The following HMGXB4 variants were observed in gnomAD, a reference collection of about 807,000 sequenced individuals.
HMGXB4 encodes the protein HMG-box containing 4, also known as HMG domain-containing protein 4.
HMGXB4 carries 27 observed loss-of-function variants against 63.9 expected under a neutral mutation model. The ratio of observed to expected loss-of-function variants is 0.42; its 90% CI spans 0.31 to 0.58. The LOEUF is 0.58. Among genes scored for constraint, HMGXB4 ranks in the 20% least tolerant of loss-of-function variants. HMGXB4 has a pLI of 0.13. For synonymous variants in HMGXB4, 264 were observed against 265.3 expected (o/e 0.99, Z 0.05); for missense variants, 624 against 700.7 (o/e 0.89, Z 1.24).
At chr22:35,263,285 G>A in intron 3 of HMGXB4, 59 bp downstream of exon 3, 3 of 1,409,316 alleles carry the variant, frequency 2.1e-6, no homozygotes, top group East Asian at 2.3e-5. Flanking sequence ...TTTTGGTGAT[G>A]CAGAGTTTTT....
the HMGXB4 span, among the ~76,000 whole-genome samples, chr22:35,241,776 G>A: frequency 3.9e-5 from 6 of 152,318 alleles, no homozygotes; most frequent in Admixed American, 3.3e-4. Flanking sequence ...AGTATTTGGG[G>A]TGTCTCCTGG....
the HMGXB4 span, among the ~76,000 whole-genome samples, chr22:35,245,779 G>C: frequency 3.3e-5 from 5 of 152,146 alleles, no homozygotes; most frequent in East Asian, 9.6e-4. Flanking sequence ...GACACCAGAG[G>C]GGGGTTCCTC....
chr22:35,293,248 ATGC>A (rs1318277253), intron 10 of HMGXB4, 134 bp downstream of exon 10: 2 of 986,172 alleles, frequency 2.0e-6, no homozygotes, highest in Non-Finnish European at 3.1e-6. Flanking sequence ...ATGGAACATG[ATGC>A]TATATTATCA....
In HMGXB4 at chr22:35,294,616, C is replaced by G. The variant is rs535097567; in HGVS notation, c.*965C>G. The G allele has an allele frequency of 1.3e-5, 2 of 152,612 alleles. No individual in the cohort carries two copies. The highest frequency in any genetic ancestry group is 4.2e-4 in the South Asian group (2 of 4,818). 9.5% of individuals were successfully genotyped at this position (152,612 alleles called of 1,614,324 possible). ...TTGCAAAAACAAAACAAAACTCACT[C>G]TCTTGTAGGTTTATTTATGTGTGTG... On this transcript the variant is annotated 3_prime_UTR_variant, in exon 11 of 11. Coordinates refer to ENST00000216106, the MANE Select transcript of HMGXB4 (RefSeq NM_001003681.3).
intron 5 of HMGXB4, among the ~76,000 whole-genome samples, chr22:35,278,130 A>G (rs1249484105): frequency 6.6e-6 from 1 of 152,186 alleles, no homozygotes; most frequent in East Asian, 1.9e-4. Flanking sequence ...GGTTTCTTGC[A>G]CTTAGTAATA....
intron 9 of HMGXB4, among the ~76,000 whole-genome samples, chr22:35,291,005 T>C (rs1924900716): frequency 6.6e-6 from 1 of 152,230 alleles, no homozygotes; most frequent in African/African-American, 2.4e-5. Context: ...TGCTTGTTCC[T>C]GTAATCCCAG....
At chr22:35,257,895 G>T (rs1327888672) in intron 1 of HMGXB4, among the ~76,000 whole-genome samples, 2 of 152,004 alleles carry the variant, frequency 1.3e-5, no homozygotes, top group Non-Finnish European at 2.9e-5. Flanking sequence ...CTCCGCCCTC[G>T]GGGGCGCCGT....
the HMGXB4 span, among the ~76,000 whole-genome samples, chr22:35,252,172 G>T: frequency 6.6e-6 from 1 of 152,186 alleles, no homozygotes; most frequent in African/African-American, 2.4e-5. Context: ...CTGAGATCGT[G>T]TCAGTGCACT....
At chr22:35,262,063 A>G (rs1355211412) in intron 1 of HMGXB4, 1 of 273,710 alleles carries the variant, frequency 3.7e-6, no homozygotes, top group Non-Finnish European at 7.0e-6. Flanking sequence ...AATTTTGAAA[A>G]TATTTTTTGT....
upstream of HMGXB4, chr22:35,257,422 C>G (rs1429450824): frequency 1.3e-5 from 2 of 152,708 alleles, no homozygotes; most frequent in Admixed American, 6.5e-5. Context: ...CTTGGTCGAG[C>G]GGGATTCCCC....
At chr22:35,268,467 T>C (rs888515206) in intron 5 of HMGXB4, among the ~76,000 whole-genome samples, 2 of 152,202 alleles carry the variant, frequency 1.3e-5, no homozygotes, top group African/African-American at 2.4e-5. Context: ...TTTTTTATTC[T>C]ACCGTGCAGT....
the HMGXB4 span, among the ~76,000 whole-genome samples, chr22:35,245,034 G>A: frequency 3.4e-3 from 512 of 152,040 alleles, 5 homozygotes; most frequent in African/African-American, 0.012. Flanking sequence ...CACCACGCCC[G>A]GCTAACTTTT....
the HMGXB4 span, among the ~76,000 whole-genome samples, chr22:35,246,605 G>A: frequency 2.0e-5 from 3 of 152,192 alleles, no homozygotes; most frequent in Non-Finnish European, 4.4e-5. Context: ...CTTGCTAGGG[G>A]GTGGCTGGCT....
chr22:35,245,351 ACTAT>A, the HMGXB4 span, among the ~76,000 whole-genome samples: 4 of 94,548 alleles, frequency 4.2e-5, no homozygotes, highest in Admixed American at 1.0e-4. Flanking sequence ...TTTGGCTGAG[ACTAT>A]CTTTTTTCTC....
intron 2 of HMGXB4, 196 bp from the exon 3 acceptor site, chr22:35,262,882 T>G (rs1010973796): frequency 3.3e-6 from 2 of 606,714 alleles, no homozygotes; most frequent in East Asian, 2.8e-5. Context: ...TTTCTTCAGG[T>G]TTGATTCTTG....
At position 35,264,537 on chromosome 22, in the gene HMGXB4, T is replaced by G. The variant is rs926496197; in HGVS notation, c.260-111T>G. ...ATCAGTTAAAGGGTCTCCCTTCAAA[T>G]CATTCCTGTTAGCCTCTTTCTCATG... On this transcript the variant is annotated intron_variant, in intron 4 of 10. Transcript: ENST00000216106. 6 of 744,992 alleles carry G rather than the reference T, an allele frequency of 8.1e-6. No homozygotes were observed. In the African/African-American group the frequency reaches 8.7e-5, roughly 11 times the overall value. 46.1% of individuals were successfully genotyped at this position (744,992 alleles called of 1,614,324 possible).
rs750801475 is a variant in HMGXB4, at chr22:35,264,776, A to G, written c.388A>G (p.Thr130Ala). ...LAAGSKPSKK[T>A]GEKSSGSSSH... Reference sequence around the variant, plus strand: ...AGCAGGCTCCAAGCCCTCCAAAAAGACTGGGGAGAAATCCTCTGGCTCTTC... The same window carrying G: ...AGCAGGCTCCAAGCCCTCCAAAAAGGCTGGGGAGAAATCCTCTGGCTCTTC... The change falls in exon 5 of 11, where the codon ACT becomes GCT. Residue 130 changes from threonine to alanine, a missense_variant. This residue lies in a region of HMGXB4 where 472 missense variants were observed against 470.6 expected (regional missense o/e 1.00). Coordinates refer to ENST00000216106, the MANE Select transcript of HMGXB4 (RefSeq NM_001003681.3). The G allele has an allele frequency of 2.5e-6, 4 of 1,614,092 alleles. No individual in the cohort carries two copies. The highest frequency in any genetic ancestry group is 3.4e-6 in the Non-Finnish European group (4 of 1,180,046).
intron 9 of HMGXB4, among the ~76,000 whole-genome samples, chr22:35,289,063 C>T (rs934190659): frequency 6.6e-6 from 1 of 151,842 alleles, no homozygotes; most frequent in Non-Finnish European, 1.5e-5. Flanking sequence ...TCACTTGAAC[C>T]TGGGAGGCAG....
At chr22:35,263,313 T>A in intron 3 of HMGXB4, 87 bp downstream of exon 3, 1 of 1,102,760 alleles carries the variant, frequency 9.1e-7, no homozygotes, top group Non-Finnish European at 1.3e-6. Flanking sequence ...TTTTTTTTTT[T>A]TCTCTCATGG....
Sources: gnomAD v4.1 joint callset for allele counts (sites outside exome capture counted in the v4.1 genomes callset) on GRCh38, gnomAD v4.1.1 for gene constraint, gnomAD v4.1.1 regional missense constraint, MANE v1.5 for transcripts, NCBI Gene and HGNC (gene_info 2026-07-23, HGNC 2026-07-21) for gene names.